LMBR1: variants seen among roughly 807,000 people sequenced by gnomAD.
The protein encoded by LMBR1 is limb development membrane protein 1.
A neutral mutation model predicts 73.9 loss-of-function variants in LMBR1; 52 were observed. The observed-to-expected ratio is 0.70, with a 90% CI of 0.56 to 0.89. LMBR1 has a LOEUF of 0.89. LMBR1 is among the 40% of genes least tolerant of loss of function. The probability of loss-of-function intolerance (pLI) is 0.00; values close to 1 mark genes in which losing one functional copy is unlikely to be tolerated. For synonymous variants in LMBR1, 215 were observed against 209.4 expected (o/e 1.03, Z -0.23); for missense variants, 539 against 579.8 (o/e 0.93, Z 0.72).
At chr7:156,891,081 T>C (rs1340174506) in intron 1 of LMBR1, among the ~76,000 whole-genome samples, 7 of 149,732 alleles carry the variant, frequency 4.7e-5, no homozygotes, top group Non-Finnish European at 8.9e-5. Context: ...ATCCCAGCTA[T>C]TCAGGAGGCT....
intron 1 of LMBR1, among the ~76,000 whole-genome samples, chr7:156,886,619 G>A (rs930407826): frequency 1.3e-5 from 2 of 152,198 alleles, no homozygotes; most frequent in Non-Finnish European, 2.9e-5. Flanking sequence ...TGGAACAGGA[G>A]AGTGGGGATC....
At chr7:156,698,730 C>T (rs988946760) in intron 15 of LMBR1, among the ~76,000 whole-genome samples, 19 of 152,246 alleles carry the variant, frequency 1.2e-4, no homozygotes, top group African/African-American at 4.1e-4. Flanking sequence ...CCACTTTTTC[C>T]TCCTAAACCT....
chr7:156,781,805 C>T (rs745639137), intron 5 of LMBR1, among the ~76,000 whole-genome samples: 50 of 152,258 alleles, frequency 3.3e-4, no homozygotes, highest in African/African-American at 1.1e-3. Flanking sequence ...CATCCATTTG[C>T]GTTTTTTAAA....
At chr7:156,698,314 A>G (rs1016072900) in intron 15 of LMBR1, among the ~76,000 whole-genome samples, 1 of 152,188 alleles carries the variant, frequency 6.6e-6, no homozygotes, top group African/African-American at 2.4e-5. Flanking sequence ...TGGATCTACC[A>G]TTTTGAGGTC....
At chr7:156,827,048 C>G (rs1015197329) in intron 3 of LMBR1, among the ~76,000 whole-genome samples, 2 of 152,110 alleles carry the variant, frequency 1.3e-5, no homozygotes, top group Non-Finnish European at 2.9e-5. Flanking sequence ...GTAGTTCATT[C>G]CTCTTTTAAA....
chr7:156,733,615 A>C (rs1374269329), intron 10 of LMBR1, among the ~76,000 whole-genome samples: 1 of 152,218 alleles, frequency 6.6e-6, no homozygotes, highest in Non-Finnish European at 1.5e-5. Context: ...AAATACAGCA[A>C]GAAAAAAACT....
chr7:156,674,845 A>C (rs777303717), downstream of LMBR1, among the ~76,000 whole-genome samples: 1 of 152,250 alleles, frequency 6.6e-6, no homozygotes, highest in Admixed American at 6.5e-5. Context: ...CGTAGCTCAC[A>C]GTATGTTTCT....
intron 4 of LMBR1, among the ~76,000 whole-genome samples, chr7:156,809,341 T>G (rs893109474): frequency 1.3e-5 from 2 of 152,174 alleles, no homozygotes; most frequent in Admixed American, 1.3e-4. Context: ...TGGCTGGGAT[T>G]TTTCTTTTAG....
chr7:156,724,764 CTG>C (rs71189961), intron 14 of LMBR1, among the ~76,000 whole-genome samples: 20,047 of 146,346 alleles, frequency 0.14, 1,357 homozygotes, highest in South Asian at 0.17. Flanking sequence ...AAAGAAATAG[CTG>C]TGTGTGTGTG....
intron 1 of LMBR1, among the ~76,000 whole-genome samples, chr7:156,851,224 A>C (rs562289136): frequency 6.6e-6 from 1 of 152,344 alleles, no homozygotes; most frequent in East Asian, 1.9e-4. Flanking sequence ...CCTTCAAAAC[A>C]GAGAAGTAAA....
chr7:156,864,143 CTCTG>C (rs1373268118), intron 1 of LMBR1, among the ~76,000 whole-genome samples: 5 of 151,886 alleles, frequency 3.3e-5, no homozygotes, highest in African/African-American at 1.2e-4. Context: ...GAAAGCAAGA[CTCTG>C]TCTCACAAAA....
chr7:156,708,567 T>C (rs919541408), intron 15 of LMBR1, among the ~76,000 whole-genome samples: 2 of 152,004 alleles, frequency 1.3e-5, no homozygotes, highest in African/African-American at 4.8e-5. Flanking sequence ...GCCAGTGGAA[T>C]TAGGGTGGGG....
intron 15 of LMBR1, among the ~76,000 whole-genome samples, chr7:156,696,742 T>A (rs183115671): frequency 2.4e-4 from 36 of 152,300 alleles, no homozygotes; most frequent in African/African-American, 7.9e-4. Context: ...GAATTCAAGA[T>A]GAAATTTGGG....
At chr7:156,677,532 A>C (rs1804295368), downstream of LMBR1, among the ~76,000 whole-genome samples, 2 of 152,180 alleles carry the variant, frequency 1.3e-5, no homozygotes, top group Non-Finnish European at 2.9e-5. Flanking sequence ...AGTGGCGCTC[A>C]TCACTCCAGC....
At chr7:156,742,175 G>C (rs923612100) in intron 9 of LMBR1, among the ~76,000 whole-genome samples, 1 of 151,880 alleles carries the variant, frequency 6.6e-6, no homozygotes, top group East Asian at 1.9e-4. Flanking sequence ...ATAGCTACAG[G>C]TGTCTATATA....
At position 156,670,090 on chromosome 7, in the gene LMBR1, T is replaced by G. The variant is rs1802148771; in HGVS notation, n.867-803A>C. On this transcript the variant is annotated intron_variant and non_coding_transcript_variant, in intron 4 of 4. Coordinates refer to the LMBR1 transcript ENST00000430825. This position sits in a 1 kb window ranked among gnomAD's most constrained non-coding sequence, Gnocchi z 4.3. ...CTAAGAAAAAATTAAATTATAAATT[T>G]TATGACTTTCACAGTGCATCTTTAC... Among the ~76,000 whole-genome samples the G allele has an allele frequency of 1.3e-5, 2 of 152,262 alleles. No homozygotes were observed. Among genetic ancestry groups the G allele is most frequent in the South Asian group, 2.1e-4 (1 of 4,834 alleles).
At chr7:156,869,044 CAG>C (rs1330735733) in intron 1 of LMBR1, among the ~76,000 whole-genome samples, 2 of 152,106 alleles carry the variant, frequency 1.3e-5, no homozygotes, top group East Asian at 3.8e-4. Context: ...TAGATATTAA[CAG>C]TGTAAAATCA....
In LMBR1 at chr7:156,685,978, G is replaced by A. The variant is rs541737013; in HGVS notation, c.1388-1815C>T. Reference sequence around the variant, plus strand: ...GTAAAACTGAGCCTATGTTTGAATGGGAAGGGAAAAAAGAAATCAATCCAA... The same window carrying A: ...GTAAAACTGAGCCTATGTTTGAATGAGAAGGGAAAAAAGAAATCAATCCAA... On this transcript the variant is annotated intron_variant, in intron 16 of 16. Coordinates refer to ENST00000353442, the MANE Select transcript of LMBR1 (RefSeq NM_022458.4). This position sits in a 1 kb window ranked among gnomAD's most constrained non-coding sequence, Gnocchi z 4.1. 1.3e-5 allele frequency among the ~76,000 whole-genome samples: 2 copies of A among 152,126 alleles called. No individual in the cohort carries two copies. Among genetic ancestry groups the A allele is most frequent in the South Asian group, 4.1e-4 (2 of 4,820 alleles).
chr7:156,721,383 A>C (rs1563208963), intron 15 of LMBR1, among the ~76,000 whole-genome samples: 1 of 152,116 alleles, frequency 6.6e-6, no homozygotes, highest in Admixed American at 6.5e-5. Context: ...AATCACACAG[A>C]ATCTATTCTT....
Sources: allele counts gnomAD v4.1 joint callset (sites outside exome capture counted in the v4.1 genomes callset), GRCh38; gene constraint gnomAD v4.1.1; non-coding constraint Gnocchi (gnomAD v3.1); transcripts MANE v1.5; gene names NCBI Gene and HGNC (gene_info 2026-07-23, HGNC 2026-07-21).